Variants in ABCA10 observed in about 807,000 individuals in gnomAD.
ABCA10 encodes the protein ATP-binding cassette sub-family A member 10.
In ABCA10, 169 loss-of-function variants were observed where a neutral mutation model predicts 187.5. The observed-to-expected ratio is 0.90, with a 90% CI of 0.80 to 1.02. The LOEUF is 1.02. Among genes scored for constraint, ABCA10 ranks in the 50% least tolerant of loss-of-function variants. The pLI is 0.00. For synonymous variants in ABCA10, 574 were observed against 601.8 expected (o/e 0.95, Z 0.68); for missense variants, 1,727 against 1,812.4 (o/e 0.95, Z 0.86).
At chr17:69,226,137 G>T (rs2074791433) in intron 2 of ABCA10, among the ~76,000 whole-genome samples, 1 of 151,992 alleles carries the variant, frequency 6.6e-6, no homozygotes, top group Non-Finnish European at 1.5e-5. Flanking sequence ...GTAATGTAGG[G>T]AACCAAGTTC....
At chr17:69,153,672 A>T in intron 32 of ABCA10, 126 bp from the exon 33 acceptor site, 1 of 1,440,598 alleles carries the variant, frequency 6.9e-7, no homozygotes, top group South Asian at 1.4e-5. Flanking sequence ...GTTTTCATAA[A>T]TGCTAAATCT....
chr17:69,195,554 C>CTTTTTTTTTTTTTTTTTTTTTTTTTT (rs59069489), intron 11 of ABCA10, among the ~76,000 whole-genome samples: 1 of 102,950 alleles, frequency 9.7e-6, no homozygotes, highest in Non-Finnish European at 1.8e-5. Flanking sequence ...TGAAGTTTTT[C>CTTTTTTTTTTTTTTTTTTTTTTTTTT]TTTTTTTTTT....
rs757783822 is a variant in ABCA10, at chr17:69,194,027, G to A, written c.1346-38C>T. ...ATTTAAAAGGCTTTACTGCCAGAAT[G>A]TTAATTCTATGCAGAGTGATAATAT... On this transcript the variant is annotated intron_variant, in intron 12 of 38. Coordinates refer to ENST00000690296, the MANE Select transcript of ABCA10 (RefSeq NM_001377321.1). 10 of 1,508,724 alleles carry A rather than the reference G, an allele frequency of 6.6e-6. No homozygotes were observed. The South Asian group carries it at 1.2e-4, about 19-fold the overall frequency. 93.5% of individuals were successfully genotyped at this position (1,508,724 alleles called of 1,614,324 possible).
At chr17:69,149,663 T>G (rs2144748041) in intron 37 of ABCA10, among the ~76,000 whole-genome samples, 2 of 152,258 alleles carry the variant, frequency 1.3e-5, no homozygotes, top group Middle Eastern at 6.8e-3. Flanking sequence ...TGGGACAACA[T>G]TCTCATAATT....
intron 37 of ABCA10, 151 bp from the exon 38 acceptor site, chr17:69,149,239 T>C: frequency 1.3e-6 from 1 of 796,430 alleles, no homozygotes; most frequent in Non-Finnish European, 2.0e-6. Context: ...AGAAGAGTGG[T>C]GATATGGCTA....
At chr17:69,199,052 C>T (rs1476333053) in intron 10 of ABCA10, among the ~76,000 whole-genome samples, 1 of 152,196 alleles carries the variant, frequency 6.6e-6, no homozygotes, top group Non-Finnish European at 1.5e-5. Flanking sequence ...GTTCCCTATA[C>T]ATACACACTG....
intron 10 of ABCA10, among the ~76,000 whole-genome samples, chr17:69,199,046 C>T (rs183606388): frequency 6.6e-6 from 1 of 152,216 alleles, no homozygotes; most frequent in East Asian, 1.9e-4. Context: ...CCTTGTGTTC[C>T]CTATACATAC....
At chr17:69,158,051 GAAAC>G (rs1264382273) in intron 27 of ABCA10, among the ~76,000 whole-genome samples, 2 of 151,730 alleles carry the variant, frequency 1.3e-5, no homozygotes, top group Non-Finnish European at 2.9e-5. Context: ...ATAAATACTA[GAAAC>G]AAACAAAAGA....
intron 9 of ABCA10, among the ~76,000 whole-genome samples, chr17:69,212,477 T>C (rs2074668391): frequency 6.6e-6 from 1 of 152,228 alleles, no homozygotes. Context: ...AAATATTTGT[T>C]AAGTTCAGGG....
chr17:69,172,638 G>T (rs2074306417), intron 25 of ABCA10, among the ~76,000 whole-genome samples: 1 of 151,622 alleles, frequency 6.6e-6, no homozygotes, highest in Admixed American at 6.6e-5. Flanking sequence ...ATAAAATATA[G>T]ATTATGACTT....
At chr17:69,188,007 C>A in intron 18 of ABCA10, 128 bp from the exon 19 acceptor site, 1 of 788,764 alleles carries the variant, frequency 1.3e-6, no homozygotes, top group South Asian at 1.9e-5. Flanking sequence ...TATCCATAAT[C>A]AAAATTTACG....
intron 1 of ABCA10, among the ~76,000 whole-genome samples, chr17:69,236,636 C>A (rs958245704): frequency 5.9e-5 from 9 of 152,162 alleles, no homozygotes; most frequent in African/African-American, 1.9e-4. Context: ...ACAAACTTTT[C>A]CACTGACGCC....
intron 1 of ABCA10, among the ~76,000 whole-genome samples, chr17:69,237,025 T>G (rs761927465): frequency 6.6e-6 from 1 of 152,218 alleles, no homozygotes; most frequent in African/African-American, 2.4e-5. Context: ...AAAGTTATTA[T>G]TTTCTGGTCA....
chr17:69,224,847 A>G (rs1486678807), intron 3 of ABCA10, among the ~76,000 whole-genome samples: 1 of 152,120 alleles, frequency 6.6e-6, no homozygotes, highest in Non-Finnish European at 1.5e-5. Context: ...TTTCAACACC[A>G]TTGCTAAGCT....
At chr17:69,244,352 T>G (rs2074927675) in intron 1 of ABCA10, 1 of 152,130 alleles carries the variant, frequency 6.6e-6, no homozygotes, top group South Asian at 2.1e-4. Flanking sequence ...TATGAGCTAC[T>G]CATTATTCAA....
At chr17:69,157,715 A>G (rs1384844222) in intron 27 of ABCA10, among the ~76,000 whole-genome samples, 1 of 152,152 alleles carries the variant, frequency 6.6e-6, no homozygotes, top group African/African-American at 2.4e-5. Context: ...GTAGCTCTGA[A>G]TATCAATGGG....
chr17:69,201,361 T>G, intron 10 of ABCA10, 139 bp downstream of exon 10: 1 of 752,068 alleles, frequency 1.3e-6, no homozygotes, highest in Non-Finnish European at 1.9e-6. Context: ...TTGAAAATGG[T>G]GAATGAGAGG....
At chr17:69,194,156 C>T (rs539651033) in intron 12 of ABCA10, among the ~76,000 whole-genome samples, 167 bp from the exon 13 acceptor site, 11 of 152,150 alleles carry the variant, frequency 7.2e-5, no homozygotes, top group African/African-American at 1.7e-4. Flanking sequence ...TTACTGTTAA[C>T]GTAAATATCT....
chr17:69,202,825 GAAAAT>G (rs2144818771), intron 9 of ABCA10, among the ~76,000 whole-genome samples: 1 of 152,168 alleles, frequency 6.6e-6, no homozygotes, highest in East Asian at 1.9e-4. Context: ...AAGAAGGAAA[GAAAAT>G]AAATGAGATG....
Sources: allele counts gnomAD v4.1 joint callset (sites outside exome capture counted in the v4.1 genomes callset), GRCh38; gene constraint gnomAD v4.1.1; transcripts MANE v1.5; gene names NCBI Gene and HGNC (gene_info 2026-07-23, HGNC 2026-07-21).